Variants in STAG1 observed in about 807,000 individuals in gnomAD.
STAG1 encodes cohesin subunit SA-1.
Under a neutral mutation model 170.9 loss-of-function variants are expected in STAG1, and 26 were observed. The ratio of observed to expected loss-of-function variants is 0.15; its 90% CI spans 0.11 to 0.21. The LOEUF is 0.21. STAG1 is among the 10% of genes least tolerant of loss of function. The pLI is 1.00. For missense variants in STAG1, 964 were observed against 1,509.5 expected (o/e 0.64, Z 5.99); for synonymous variants, 514 against 497.7 (o/e 1.03, Z -0.44).
chr3:136,370,428 T>G (rs1484255175), intron 23 of STAG1, among the ~76,000 whole-genome samples: 1 of 152,210 alleles, frequency 6.6e-6, no homozygotes, highest in East Asian at 1.9e-4. Flanking sequence ...GTTACATAGG[T>G]ATACATGTGC....
chr3:136,477,075 C>T lies in STAG1; in HGVS notation c.1026+214G>A, dbSNP rs116114656. Among the ~76,000 whole-genome samples, 991 of 152,218 alleles carry T rather than the reference C, an allele frequency of 6.5e-3. 11 individuals carry two copies. The highest frequency in any genetic ancestry group is 0.022 in the African/African-American group (933 of 41,554). ...CCAGGTTGTCAAACTTGGTTCAAGA[C>T]AATATTGTAACTAAACAAGATAGGG... is the stretch of plus-strand genomic sequence containing the variant. On this transcript the variant is annotated intron_variant, in intron 10 of 33. Coordinates refer to ENST00000383202, the MANE Select transcript of STAG1 (RefSeq NM_005862.3).
intron 4 of STAG1, among the ~76,000 whole-genome samples, chr3:136,578,587 G>T (rs765074947): frequency 6.6e-6 from 1 of 152,194 alleles, no homozygotes; most frequent in Non-Finnish European, 1.5e-5. Context: ...CTTTCCCAAA[G>T]GGACCTGTAG....
chr3:136,579,583 G>A (rs1937547533), intron 4 of STAG1, among the ~76,000 whole-genome samples: 1 of 152,188 alleles, frequency 6.6e-6, no homozygotes, highest in Non-Finnish European at 1.5e-5. Context: ...CCAAGAAGCT[G>A]CCCACAGTTA....
intron 4 of STAG1, among the ~76,000 whole-genome samples, chr3:136,570,598 A>G (rs1937236591): frequency 6.6e-6 from 1 of 152,242 alleles, no homozygotes; most frequent in South Asian, 2.1e-4. Context: ...CTTAGTAGAT[A>G]ATGCCAAACA....
intron 1 of STAG1, among the ~76,000 whole-genome samples, chr3:136,649,767 A>G (rs1027647146): frequency 6.6e-6 from 1 of 151,184 alleles, no homozygotes; most frequent in African/African-American, 2.4e-5. Flanking sequence ...AAAAAAAAAA[A>G]GATTTTTTTT....
At chr3:136,412,371 C>T (rs1383203449) in intron 21 of STAG1, among the ~76,000 whole-genome samples, 1 of 152,116 alleles carries the variant, frequency 6.6e-6, no homozygotes, top group African/African-American at 2.4e-5. Flanking sequence ...ATAACTGAGT[C>T]AGGCAAAGAT....
At chr3:136,518,105 A>G in intron 7 of STAG1, 1 of 342,304 alleles carries the variant, frequency 2.9e-6, no homozygotes, top group Non-Finnish European at 5.2e-6. Flanking sequence ...ATGCATAAAC[A>G]CTGACAACAG....
At chr3:136,426,044 T>C (rs1356433086) in intron 16 of STAG1, among the ~76,000 whole-genome samples, 1 of 151,386 alleles carries the variant, frequency 6.6e-6, no homozygotes, top group African/African-American at 2.4e-5. Flanking sequence ...AACTACATGG[T>C]TCATTTATAT....
chr3:136,690,100 A>T (rs993781962), intron 1 of STAG1, among the ~76,000 whole-genome samples: 2 of 151,540 alleles, frequency 1.3e-5, no homozygotes, highest in Non-Finnish European at 2.9e-5. Context: ...GAGAGAAAAA[A>T]GTCTAAGAGT....
intron 3 of STAG1, 29 bp downstream of exon 3, chr3:136,623,117 G>A: frequency 7.6e-6 from 12 of 1,576,024 alleles, no homozygotes; most frequent in Non-Finnish European, 1.0e-5. Flanking sequence ...CACTATTAAA[G>A]GAACAAAGAA....
chr3:136,692,598 G>A (rs1281560120), intron 1 of STAG1, among the ~76,000 whole-genome samples: 1 of 151,846 alleles, frequency 6.6e-6, no homozygotes, highest in Non-Finnish European at 1.5e-5. Flanking sequence ...TCGTGCCACT[G>A]CACTCTAGCC....
chr3:136,503,939 G>A (rs1306134401), intron 7 of STAG1, among the ~76,000 whole-genome samples: 1 of 152,082 alleles, frequency 6.6e-6, no homozygotes, highest in East Asian at 1.9e-4. Flanking sequence ...GTTTCACCAT[G>A]TTGGCCAGGC....
chr3:136,429,425 C>A (rs919636032), intron 16 of STAG1, among the ~76,000 whole-genome samples: 1 of 151,922 alleles, frequency 6.6e-6, no homozygotes, highest in Admixed American at 6.6e-5. Context: ...AAAAAGACTA[C>A]ACCAGAGGAA....
chr3:136,351,062 A>AT (rs1191149102), intron 28 of STAG1, among the ~76,000 whole-genome samples: 2 of 152,164 alleles, frequency 1.3e-5, no homozygotes, highest in South Asian at 2.1e-4. Context: ...AATATATATT[A>AT]TTTTTTAAAA....
At chr3:136,536,136 T>C (rs1014733099) in intron 6 of STAG1, among the ~76,000 whole-genome samples, 3 of 152,168 alleles carry the variant, frequency 2.0e-5, no homozygotes, top group Non-Finnish European at 2.9e-5. Context: ...TACTTTGGCT[T>C]CATGAGTATC....
chr3:136,677,625 A>G (rs1942165750), intron 1 of STAG1, among the ~76,000 whole-genome samples: 1 of 152,086 alleles, frequency 6.6e-6, no homozygotes, highest in African/African-American at 2.4e-5. Flanking sequence ...CCCTTATTAA[A>G]AAGGTTGATG....
At chr3:136,720,991 C>G (rs1201721686) in intron 1 of STAG1, among the ~76,000 whole-genome samples, 1 of 152,160 alleles carries the variant, frequency 6.6e-6, no homozygotes, top group Admixed American at 6.6e-5. Flanking sequence ...AAGTAATTTA[C>G]AGAAGCACAT....
intron 4 of STAG1, among the ~76,000 whole-genome samples, chr3:136,595,676 CAATAAATAAATAAATAAATAAATAAATA>C (rs59472050): frequency 4.7e-5 from 6 of 127,432 alleles, no homozygotes; most frequent in South Asian, 5.4e-4. Context: ...GACTCCATCT[CAATAAATAAATAAATAAATAAATAAATA>C]AATAAATAAA....
chr3:136,379,740 G>A (rs906231812), intron 22 of STAG1, among the ~76,000 whole-genome samples: 1 of 152,086 alleles, frequency 6.6e-6, no homozygotes, highest in African/African-American at 2.4e-5. Context: ...AGGTGCTTTT[G>A]AGGAACTGTT....
Sources: allele counts gnomAD v4.1 joint callset (sites outside exome capture counted in the v4.1 genomes callset), GRCh38; gene constraint gnomAD v4.1.1; transcripts MANE v1.5; gene names NCBI Gene and HGNC (gene_info 2026-07-23, HGNC 2026-07-21).